The following TMEM232 variants were observed in gnomAD, a reference collection of about 807,000 sequenced individuals.
The protein encoded by TMEM232 is transmembrane protein 232.
In TMEM232, 80 loss-of-function variants were observed where a neutral mutation model predicts 78.8. That is an observed-to-expected ratio of 1.01 (90% confidence interval 0.85 to 1.22). The LOEUF (loss-of-function observed/expected upper bound fraction) is 1.22. Ranked by LOEUF, TMEM232 falls within the 50% of genes most tolerant of loss-of-function variation. The probability of loss-of-function intolerance (pLI) is 0.00; values close to 1 mark genes in which losing one functional copy is unlikely to be tolerated. For missense variants in TMEM232, 881 were observed against 742.2 expected, an observed-to-expected ratio of 1.19 and a Z score of -2.17; for synonymous variants, 297 against 254.3, an observed-to-expected ratio of 1.17 and a Z score of -1.60.
intron 11 of TMEM232, among the ~76,000 whole-genome samples, chr5:110,535,028 T>C (rs945403438): frequency 6.6e-6 from 1 of 152,024 alleles, no homozygotes; most frequent in African/African-American, 2.4e-5. Context: ...ACATCACCCA[T>C]TATCTCTCCA....
At chr5:110,481,778 G>C (rs886628935) in intron 12 of TMEM232, among the ~76,000 whole-genome samples, 2 of 152,078 alleles carry the variant, frequency 1.3e-5, no homozygotes, top group African/African-American at 4.8e-5. Flanking sequence ...TTTACATCCA[G>C]GTTCTTCTAT....
chr5:110,568,574 T>TAGTGTA lies in TMEM232; in HGVS notation c.1327_1328insTACACT (p.Lys443delinsIleHisTer). 2 of 1,549,624 alleles carry TAGTGTA rather than the reference T, an allele frequency of 1.3e-6. No individual in the cohort carries two copies. Among genetic ancestry groups the TAGTGTA allele is most frequent in the Non-Finnish European group, 1.7e-6 (2 of 1,145,804 alleles). ...GTCTCCTTGAAGTTCCCATGAAATTTTCACCAGGTTATACACTAAGCCATA... is the reference window on the plus strand; with the variant it reads ...GTCTCCTTGAAGTTCCCATGAAATTTAGTGTATCACCAGGTTATACACTAAGCCATA... On this transcript the variant is annotated stop_gained and protein_altering_variant, in exon 11 of 14. Coordinates refer to ENST00000455884, the MANE Select transcript of TMEM232 (RefSeq NM_001039763.4). LOFTEE classifies it high-confidence loss of function.
intron 12 of TMEM232, among the ~76,000 whole-genome samples, chr5:110,462,290 T>C (rs116523278): frequency 0.015 from 2,315 of 152,274 alleles, 36 homozygotes; most frequent in Non-Finnish European, 0.021. Context: ...TGGTTAATAT[T>C]GAGTGTCAAC....
intron 8 of TMEM232, among the ~76,000 whole-genome samples, chr5:110,615,953 G>A (rs1214969049): frequency 6.6e-6 from 1 of 151,944 alleles, no homozygotes; most frequent in Admixed American, 6.6e-5. Context: ...GATATTCCAT[G>A]TTCATGGATA....
chr5:110,689,683 T>G (rs1398877677), intron 1 of TMEM232, among the ~76,000 whole-genome samples: 1 of 151,994 alleles, frequency 6.6e-6, no homozygotes, highest in African/African-American at 2.4e-5. Context: ...GCCAAGACAA[T>G]CCTAAGCAAA....
At chr5:110,557,757 C>A (rs1041483186) in intron 11 of TMEM232, among the ~76,000 whole-genome samples, 3 of 152,126 alleles carry the variant, frequency 2.0e-5, no homozygotes, top group Non-Finnish European at 4.4e-5. Context: ...TATTAGAAAT[C>A]TCTTCCATTA....
At chr5:110,422,172 A>T in intron 13 of TMEM232, among the ~76,000 whole-genome samples, 1 of 152,198 alleles carries the variant, frequency 6.6e-6, no homozygotes, top group East Asian at 1.9e-4. Context: ...TAATAATGAC[A>T]GTATCTATAA....
intron 1 of TMEM232, among the ~76,000 whole-genome samples, chr5:110,685,731 A>G (rs531089132): frequency 1.3e-5 from 2 of 152,304 alleles, no homozygotes; most frequent in South Asian, 4.1e-4. Context: ...GTCCCAAACC[A>G]GAAACAACTC....
chr5:110,512,271 T>G (rs775015007), intron 12 of TMEM232, among the ~76,000 whole-genome samples: 4 of 152,172 alleles, frequency 2.6e-5, no homozygotes, highest in Non-Finnish European at 4.4e-5. Context: ...AGGCATTCAA[T>G]AAATAATTAT....
intron 12 of TMEM232, among the ~76,000 whole-genome samples, chr5:110,467,236 G>A (rs1237277113): frequency 6.6e-6 from 1 of 152,134 alleles, no homozygotes; most frequent in Admixed American, 6.5e-5. Flanking sequence ...ACCATAGAGA[G>A]GTAGGCTAAC....
chr5:110,663,863 G>T (rs913394365), intron 2 of TMEM232, among the ~76,000 whole-genome samples: 1 of 151,876 alleles, frequency 6.6e-6, no homozygotes, highest in African/African-American at 2.4e-5. Flanking sequence ...ACTTAGCTGG[G>T]CACAATGGCT....
intron 12 of TMEM232, among the ~76,000 whole-genome samples, chr5:110,520,355 T>C (rs1304832176): frequency 6.6e-6 from 1 of 151,816 alleles, no homozygotes; most frequent in Non-Finnish European, 1.5e-5. Flanking sequence ...CTTCAAAGAG[T>C]AGATCATTCT....
chr5:110,692,171 C>T lies in TMEM232; in HGVS notation c.-12-24807G>A, dbSNP rs550982531. On this transcript the variant is annotated intron_variant, in intron 1 of 13. Coordinates refer to ENST00000455884, the MANE Select transcript of TMEM232 (RefSeq NM_001039763.4). ...CTCCGGACTCATGATCTGCCCGCCT[C>T]GGCCTCCAAAAGTGCTGGCATTACA... Among the ~76,000 whole-genome samples, 456 of 152,312 alleles carry T rather than the reference C, an allele frequency of 3.0e-3. 3 individuals are homozygous for T. The highest frequency in any genetic ancestry group is 0.01 in the African/African-American group (435 of 41,578).
intron 12 of TMEM232, among the ~76,000 whole-genome samples, chr5:110,523,932 C>A (rs1289031069): frequency 8.3e-6 from 1 of 120,296 alleles, no homozygotes; most frequent in African/African-American, 3.3e-5. Flanking sequence ...GAACTCTAGC[C>A]TGGGTGACAA....
At chr5:110,604,393 T>C (rs1223364711) in intron 10 of TMEM232, among the ~76,000 whole-genome samples, 1 of 152,116 alleles carries the variant, frequency 6.6e-6, no homozygotes, top group African/African-American at 2.4e-5. Flanking sequence ...CTATAAGATG[T>C]CAGGTGTGAA....
chr5:110,422,586 G>T (rs1756786837), intron 13 of TMEM232, among the ~76,000 whole-genome samples: 1 of 146,648 alleles, frequency 6.8e-6, no homozygotes, highest in African/African-American at 2.5e-5. Flanking sequence ...CTTAAGAACT[G>T]CCAGCAAATT....
chr5:110,696,058 A>G (rs1161738418), intron 1 of TMEM232, among the ~76,000 whole-genome samples: 2 of 152,212 alleles, frequency 1.3e-5, no homozygotes, highest in Admixed American at 1.3e-4. Flanking sequence ...TCCTCAATAA[A>G]ATACTGGCAA....
At chr5:110,459,768 A>G (rs1761297880) in intron 12 of TMEM232, among the ~76,000 whole-genome samples, 1 of 152,162 alleles carries the variant, frequency 6.6e-6, no homozygotes, top group Non-Finnish European at 1.5e-5. Context: ...ACACCCCCTT[A>G]ACCAGGTGGC....
chr5:110,562,787 A>G (rs1369739901), intron 11 of TMEM232, among the ~76,000 whole-genome samples: 1 of 151,962 alleles, frequency 6.6e-6, no homozygotes, highest in Non-Finnish European at 1.5e-5. Flanking sequence ...AATTTTATAT[A>G]ATTTTGTACT....
Sources: allele counts gnomAD v4.1 joint callset (sites outside exome capture counted in the v4.1 genomes callset), GRCh38; gene constraint gnomAD v4.1.1; transcripts MANE v1.5; gene names NCBI Gene and HGNC (gene_info 2026-07-23, HGNC 2026-07-21).